Variants in EEA1 observed in about 807,000 individuals in gnomAD.
The protein encoded by EEA1 is early endosome antigen 1, 162kD.
EEA1 carries 111 observed loss-of-function variants against 209.2 expected under a neutral mutation model. The ratio of observed to expected loss-of-function variants is 0.53; its 90% CI spans 0.45 to 0.62. The LOEUF (loss-of-function observed/expected upper bound fraction) is 0.62. Among genes scored for constraint, EEA1 ranks in the 20% least tolerant of loss-of-function variants. The probability of loss-of-function intolerance (pLI) is 0.00; values close to 1 mark genes in which losing one functional copy is unlikely to be tolerated. For synonymous variants in EEA1, 536 were observed against 540.6 expected (o/e 0.99, Z 0.12); for missense variants, 1,343 against 1,530.8 (o/e 0.88, Z 2.05).
At chr12:92,795,082 C>G (rs779372176) in intron 21 of EEA1, among the ~76,000 whole-genome samples, 23 of 152,146 alleles carry the variant, frequency 1.5e-4, no homozygotes, top group Non-Finnish European at 2.8e-4. Flanking sequence ...TCAAACCCCA[C>G]CATTCTCTGT....
chr12:92,788,062 A>T lies in EEA1; in HGVS notation c.2968-13T>A, dbSNP rs775602594. 2 of 1,549,754 alleles carry T rather than the reference A, an allele frequency of 1.3e-6. No individual in the cohort carries two copies. Among genetic ancestry groups the T allele is most frequent in the East Asian group, 4.6e-5 (2 of 43,200 alleles). On this transcript the variant is annotated splice_polypyrimidine_tract_variant and intron_variant, in intron 21 of 28. Transcript: ENST00000322349. ...TCTCAAGCTCTGTCTGAAACATACA[A>T]TAGTTATTTAAAACAGTATGCATTC...
intron 1 of EEA1, among the ~76,000 whole-genome samples, chr12:92,898,461 T>A (rs1285556430): frequency 6.6e-6 from 1 of 152,024 alleles, no homozygotes; most frequent in Non-Finnish European, 1.5e-5. Flanking sequence ...GTTAGGAGTT[T>A]GAGACCAGCC....
Position 92,775,978 on chromosome 12 carries a change from AGTGTAATATTAC to A in EEA1, c.*21_*32del. 6.3e-7 allele frequency: 1 copy of A among 1,597,778 alleles called. No individual in the cohort carries two copies. Among genetic ancestry groups the A allele is most frequent in the Admixed American group, 1.7e-5 (1 of 58,376 alleles). On this transcript the variant is annotated 3_prime_UTR_variant, in exon 29 of 29. Coordinates refer to ENST00000322349, the MANE Select transcript of EEA1 (RefSeq NM_003566.4). ...GTACATTTATTAAAAATCTAATGTT[AGTGTAATATTAC>A]TCTGAAGTTGTGATAACCCATTATC... is the stretch of plus-strand genomic sequence containing the variant.
chr12:92,831,493 T>C (rs993456754), intron 11 of EEA1, among the ~76,000 whole-genome samples: 2 of 148,500 alleles, frequency 1.3e-5, no homozygotes, highest in East Asian at 3.9e-4. Context: ...ATATGAATTG[T>C]ATATAATATA....
Position 92,775,993 on chromosome 12 carries a change from T to C in EEA1, c.*18A>G, listed in dbSNP as rs769216284. 18 of 1,607,406 alleles carry C rather than the reference T, an allele frequency of 1.1e-5. No individual in the cohort carries two copies. The highest frequency in any genetic ancestry group is 1.4e-5 in the Non-Finnish European group (17 of 1,176,462). ...ATCTAATGTTAGTGTAATATTACTC[T>C]GAAGTTGTGATAACCCATTATCCTT... On this transcript the variant is annotated 3_prime_UTR_variant, in exon 29 of 29. Coordinates refer to ENST00000322349, the MANE Select transcript of EEA1 (RefSeq NM_003566.4).
Position 92,774,060 on chromosome 12 carries a change from A to AAC in EEA1, c.*1950_*1951insGT, listed in dbSNP as rs1217768366. The AAC allele has an allele frequency of 3.3e-5, 5 of 150,700 alleles. No individual in the cohort carries two copies. Among genetic ancestry groups the AAC allele is most frequent in the Admixed American group, 6.6e-5 (1 of 15,078 alleles). The allele number at this position is 150,700 out of a possible 1,614,324, so 9.3% of individuals were successfully genotyped here. A position where few individuals can be genotyped will look rare whatever the true frequency, so the allele number is the denominator to read the frequency against. Reference sequence around the variant, plus strand: ...ATGGAATTTATTATCTCAAAAAAAAAAAAAAAACAGTGGTGCTGTGAATAT... The same window carrying AAC: ...ATGGAATTTATTATCTCAAAAAAAAAACAAAAAAACAGTGGTGCTGTGAATAT... On this transcript the variant is annotated 3_prime_UTR_variant, in exon 29 of 29. Coordinates refer to ENST00000322349, the MANE Select transcript of EEA1 (RefSeq NM_003566.4).
At chr12:92,812,653 C>T (rs144208359) in intron 16 of EEA1, among the ~76,000 whole-genome samples, 2 of 152,282 alleles carry the variant, frequency 1.3e-5, no homozygotes, top group African/African-American at 4.8e-5. Context: ...CAATCACCAA[C>T]ACTTGAAGGG....
chr12:92,922,174 C>A (rs1250510188), intron 1 of EEA1, among the ~76,000 whole-genome samples: 1 of 152,162 alleles, frequency 6.6e-6, no homozygotes, highest in African/African-American at 2.4e-5. Flanking sequence ...CCTGTATTTT[C>A]TCCTGCCTAC....
rs1875775231 is a variant in EEA1, at chr12:92,816,205, T to G, written c.1924A>C (p.Ile642Leu). 1 of 1,612,666 alleles carries G rather than the reference T, an allele frequency of 6.2e-7. No individual in the cohort carries two copies. The highest frequency in any genetic ancestry group is 1.1e-5 in the South Asian group (1 of 90,944). Residue 642 changes from isoleucine to leucine, a missense_variant, in exon 15 of 29, where the codon ATA (isoleucine) becomes CTA (leucine). Physicochemically the swap from Ile to Leu is conservative, Grantham distance 5. Around this residue, in one of 3 missense-constraint regions of EEA1, gnomAD observed 1,307 missense variants for 1,465.5 expected, o/e 0.89. Transcript: ENST00000322349. ...ESKEKVSQLD[I>L]QIKAKTELLL... ...AACATTAAATTTAATATTACCTGTA[T>G]GTCAAGCTGGGAGACCTTCTCCTTG...
intron 9 of EEA1, among the ~76,000 whole-genome samples, chr12:92,848,725 T>A (rs2136706732): frequency 1.5e-5 from 1 of 67,694 alleles, no homozygotes; most frequent in East Asian, 2.5e-3. Flanking sequence ...TTCTCACCTT[T>A]TTTTTTTTTT....
At chr12:92,923,492 TG>T (rs1279936457) in intron 1 of EEA1, among the ~76,000 whole-genome samples, 6 of 152,214 alleles carry the variant, frequency 3.9e-5, no homozygotes, top group Non-Finnish European at 8.8e-5. Flanking sequence ...ATCATGCTCT[TG>T]GATTTGTCTG....
intron 22 of EEA1, among the ~76,000 whole-genome samples, chr12:92,784,882 T>G (rs1426240145): frequency 6.6e-6 from 1 of 152,094 alleles, no homozygotes; most frequent in East Asian, 1.9e-4. Context: ...CCCCTTGAAA[T>G]AGGCAAATCC....
chr12:92,826,267 T>A lies in EEA1; in HGVS notation c.1423A>T (p.Asn475Tyr). The A allele has an allele frequency of 6.2e-7, 1 of 1,612,330 alleles. No individual in the cohort carries two copies. The highest frequency in any genetic ancestry group is 1.1e-5 in the South Asian group (1 of 90,974). Reference protein sequence around the residue: ...LEEQLKEKVTNSTELQHQLDK... With the variant: ...LEEQLKEKVTYSTELQHQLDK... ...AATTGATGCTGCAATTCTGTAGAAT[T>A]TGTAACTTTTTCCTTCAACTTAAAA... is the stretch of plus-strand genomic sequence containing the variant. Residue 475 changes from asparagine to tyrosine, a missense_variant, in exon 13 of 29, where the codon AAT becomes TAT. This residue lies in a region of EEA1 where 1,307 missense variants were observed against 1,465.5 expected (regional missense o/e 0.89). Transcript: ENST00000322349.
intron 21 of EEA1, among the ~76,000 whole-genome samples, chr12:92,791,721 A>G (rs910427880): frequency 6.6e-6 from 1 of 152,212 alleles, no homozygotes; most frequent in Non-Finnish European, 1.5e-5. Context: ...TCAACGAGAC[A>G]GAGGTTAACA....
chr12:92,922,207 C>G (rs540999834), intron 1 of EEA1, among the ~76,000 whole-genome samples: 28 of 152,158 alleles, frequency 1.8e-4, no homozygotes, highest in Non-Finnish European at 3.5e-4. Flanking sequence ...CTTGGGAAGT[C>G]CAGACCTCTA....
At chr12:92,822,657 G>A (rs772845445) in intron 13 of EEA1, among the ~76,000 whole-genome samples, 2 of 152,074 alleles carry the variant, frequency 1.3e-5, no homozygotes, top group Non-Finnish European at 2.9e-5. Context: ...AAGGGGTGGT[G>A]TTTCTCAGAA....
At chr12:92,866,898 C>T (rs1342288770) in intron 2 of EEA1, among the ~76,000 whole-genome samples, 1 of 152,190 alleles carries the variant, frequency 6.6e-6, no homozygotes, top group Non-Finnish European at 1.5e-5. Flanking sequence ...TCTAATAAAA[C>T]ATTAAGCATA....
chr12:92,836,316 G>A (rs1466230033), intron 10 of EEA1, among the ~76,000 whole-genome samples: 4 of 152,110 alleles, frequency 2.6e-5, no homozygotes, highest in Non-Finnish European at 5.9e-5. Flanking sequence ...ATTATCATTT[G>A]AGTAAGCAAA....
rs371425744 is a variant in EEA1, at chr12:92,828,790, C to T, written c.1255-729G>A. ...TTACAACACTTTCCTGCCACTAGTTCGCTCTCACTAATCCCTCTGGCTGTG... is the reference window on the plus strand; with the variant it reads ...TTACAACACTTTCCTGCCACTAGTTTGCTCTCACTAATCCCTCTGGCTGTG... On this transcript the variant is annotated intron_variant, in intron 11 of 28. Transcript: ENST00000322349. 8.5e-5 allele frequency among the ~76,000 whole-genome samples: 13 copies of T among 152,134 alleles called. No homozygotes were observed. The East Asian group carries it at 1.7e-3, about 20-fold the overall frequency.
Sources: allele counts gnomAD v4.1 joint callset (sites outside exome capture counted in the v4.1 genomes callset), GRCh38; gene constraint gnomAD v4.1.1; regional missense constraint gnomAD v4.1.1; transcripts MANE v1.5; gene names NCBI Gene and HGNC (gene_info 2026-07-23, HGNC 2026-07-21).